Variants in SLC22A14 observed in about 807,000 individuals in gnomAD.
The protein encoded by SLC22A14 is solute carrier family 22 member 14, also known as organic cation transporter-like 4.
SLC22A14 carries 50 observed loss-of-function variants against 53.9 expected under a neutral mutation model. The ratio of observed to expected loss-of-function variants is 0.93; its 90% CI spans 0.74 to 1.17. The LOEUF (loss-of-function observed/expected upper bound fraction) is 1.17. Ranked by LOEUF, SLC22A14 falls within the 50% of genes most tolerant of loss-of-function variation. The probability of loss-of-function intolerance (pLI) is 0.00; values close to 1 mark genes in which losing one functional copy is unlikely to be tolerated. For synonymous variants in SLC22A14, 312 were observed against 303.0 expected (o/e 1.03, Z -0.31); for missense variants, 671 against 734.7 (o/e 0.91, Z 1.00).
In SLC22A14 at chr3:38,307,202, C is replaced by G; in HGVS notation, c.517-52C>G. The G allele has an allele frequency of 3.1e-6, 4 of 1,302,846 alleles. 1 individual carries two copies. The highest frequency in any genetic ancestry group is 4.6e-5 in the East Asian group (2 of 43,374). 80.7% of individuals were successfully genotyped at this position (1,302,846 alleles called of 1,614,324 possible). ...GTCCCACGCTGGGATGAGTCTCAGT[C>G]TCTGGACCCAAAGGTGGGCACCCGT... On this transcript the variant is annotated intron_variant, in intron 2 of 10. Coordinates refer to ENST00000448498, the MANE Select transcript of SLC22A14 (RefSeq NM_001320033.2). The surrounding 1 kb of genome is among the most constrained non-coding windows in gnomAD (Gnocchi z 4.4).
At chr3:38,314,608 C>A (rs956313712) in intron 8 of SLC22A14, among the ~76,000 whole-genome samples, 1 of 152,216 alleles carries the variant, frequency 6.6e-6, no homozygotes, top group Non-Finnish European at 1.5e-5. Context: ...TGACTGCCTG[C>A]GGAGCCCTTT....
intron 1 of SLC22A14, among the ~76,000 whole-genome samples, chr3:38,291,055 AT>A (rs1703903341): frequency 6.6e-6 from 1 of 152,196 alleles, no homozygotes; most frequent in South Asian, 2.1e-4. Context: ...CTAGGTAAGC[AT>A]ACTTAGAGTG....
At chr3:38,286,081 A>G (rs1237090648) in intron 1 of SLC22A14, among the ~76,000 whole-genome samples, 2 of 152,122 alleles carry the variant, frequency 1.3e-5, no homozygotes, top group Non-Finnish European at 2.9e-5. Flanking sequence ...AGTCTCTACT[A>G]AAAATACAAA....
At position 38,318,281 on chromosome 3, in the gene SLC22A14, C is replaced by T. The variant is rs1704675893; in HGVS notation, c.*32C>T. 1 of 1,596,770 alleles carries T rather than the reference C, an allele frequency of 6.3e-7. No homozygotes were observed. Among genetic ancestry groups the T allele is most frequent in the South Asian group, 1.1e-5 (1 of 90,742 alleles). The stretch of plus-strand genomic sequence containing the variant: ...GGCCAAGAATGTCATTCTCAATGCC[C>T]AGATCCTGAGATTGGACCCATACCC... On this transcript the variant is annotated 3_prime_UTR_variant, in exon 11 of 11. Coordinates refer to ENST00000448498, the MANE Select transcript of SLC22A14 (RefSeq NM_001320033.2).
chr3:38,301,719 G>A (rs1704163683), intron 1 of SLC22A14, among the ~76,000 whole-genome samples: 1 of 151,288 alleles, frequency 6.6e-6, no homozygotes, highest in South Asian at 2.1e-4. Flanking sequence ...GATTTTAAAA[G>A]GGATACTTTT....
chr3:38,305,939 C>T (rs758684777), intron 1 of SLC22A14, 88 bp from the exon 2 acceptor site: 7 of 1,350,772 alleles, frequency 5.2e-6, no homozygotes, highest in South Asian at 4.2e-5. Flanking sequence ...AGCCAGAGGC[C>T]AGTTCCTAGT....
At chr3:38,312,233 G>A (rs1453843176) in intron 5 of SLC22A14, among the ~76,000 whole-genome samples, 5 of 152,172 alleles carry the variant, frequency 3.3e-5, no homozygotes, top group Non-Finnish European at 7.3e-5. Context: ...CTCTGCCTCT[G>A]TGTCCTCGGG....
rs766970956 is a variant in SLC22A14 at position 38,316,344 on chromosome 3, T to G, written c.1553T>G (p.Val518Gly). 3.2e-5 allele frequency: 52 copies of G among 1,614,044 alleles called. No individual in the cohort carries two copies. Among genetic ancestry groups the G allele is most frequent in the Non-Finnish European group, 4.2e-5 (50 of 1,180,038 alleles). The stretch of plus-strand genomic sequence containing the variant: ...TTCAGGGCGACAGGTCTGGGGCTGG[T>G]GTCTCTGGCCTCGGTGGCTGGAGCC... ...TVLRATGLGLVSLASVAGAIL... is the reference protein window; with the variant it reads ...TVLRATGLGLGSLASVAGAIL... Residue 518 changes from valine to glycine, a missense_variant, in exon 10 of 11, where the codon GTG becomes GGG. Transcript: ENST00000448498.
intron 5 of SLC22A14, among the ~76,000 whole-genome samples, chr3:38,311,983 A>G (rs1362080129): frequency 6.6e-6 from 1 of 152,142 alleles, no homozygotes; most frequent in Non-Finnish European, 1.5e-5. Flanking sequence ...TCTTTAGGAG[A>G]GTTCCACAGC....
At chr3:38,296,728 T>A (rs149753) in intron 1 of SLC22A14, among the ~76,000 whole-genome samples, 1 of 152,138 alleles carries the variant, frequency 6.6e-6, no homozygotes, top group East Asian at 1.9e-4. Context: ...TATTAGAAGC[T>A]GTGGGTCACA....
chr3:38,308,126 ACAAC>A (rs1458910877), intron 4 of SLC22A14: 17 of 154,934 alleles, frequency 1.1e-4, no homozygotes, highest in South Asian at 1.9e-4. Flanking sequence ...AAAAGAAAAA[ACAAC>A]AAAAAACAGA....
intron 9 of SLC22A14, among the ~76,000 whole-genome samples, 172 bp from the exon 10 acceptor site, chr3:38,316,152 C>A (rs535807809): frequency 8.5e-5 from 13 of 152,348 alleles, no homozygotes; most frequent in African/African-American, 3.1e-4. Context: ...GCCTCTCCCC[C>A]TCCTCATCCC....
intron 1 of SLC22A14, among the ~76,000 whole-genome samples, chr3:38,297,856 C>T (rs1221464391): frequency 2.6e-5 from 4 of 152,138 alleles, no homozygotes; most frequent in African/African-American, 9.7e-5. Flanking sequence ...TATAGTGAGA[C>T]ACACTCTGAT....
upstream of SLC22A14, among the ~76,000 whole-genome samples, chr3:38,280,847 C>T (rs141531399): frequency 6.6e-6 from 1 of 152,226 alleles, no homozygotes; most frequent in African/African-American, 2.4e-5. Context: ...CCAGGCTGGT[C>T]TTGAACTCCT....
intron 10 of SLC22A14, among the ~76,000 whole-genome samples, chr3:38,317,733 G>A (rs983309003): frequency 6.6e-6 from 1 of 152,164 alleles, no homozygotes; most frequent in African/African-American, 2.4e-5. Context: ...TTTGTTATGT[G>A]TTAGACCCTG....
rs1489681392 is a variant in SLC22A14 at position 38,316,466 on chromosome 3, C to T, written c.1675C>T (p.Leu559=). The T allele has an allele frequency of 3.7e-6, 6 of 1,613,986 alleles. No homozygotes were observed. In the African/African-American group the frequency reaches 8.0e-5, roughly 22 times the overall value. ...AIVAFSLSSL[L]PETRDQPLSE... ...CGTGGCCTTTTCCCTCTCCTCCCTGCTGCCGGAAACGCGAGATCAGCCCCT... is the reference window on the plus strand; with the variant it reads ...CGTGGCCTTTTCCCTCTCCTCCCTGTTGCCGGAAACGCGAGATCAGCCCCT... Residue 559 remains leucine (L), a synonymous_variant, in exon 10 of 11, where the codon CTG becomes TTG. Transcript: ENST00000448498.
chr3:38,316,404 C>T lies in SLC22A14; in HGVS notation c.1613C>T (p.Ser538Phe), dbSNP rs1161032180. The T allele has an allele frequency of 6.2e-7, 1 of 1,614,178 alleles. No homozygotes were observed. The highest frequency in any genetic ancestry group is 1.1e-5 in the South Asian group (1 of 91,080). Residue 538 changes from serine (S) to phenylalanine (F), a missense_variant, in exon 10 of 11, where the codon TCC becomes TTC. Coordinates refer to ENST00000448498, the MANE Select transcript of SLC22A14 (RefSeq NM_001320033.2). ...CTGACAATCATCAGCCAGACCCCCT[C>T]CCTCCTGCCCATCTTTCTCTGCTGC... ...LSLTIISQTP[S>F]LLPIFLCCVL... is the part of the protein sequence containing the mutation.
At chr3:38,295,803 T>G (rs566954439) in intron 1 of SLC22A14, among the ~76,000 whole-genome samples, 3 of 141,096 alleles carry the variant, frequency 2.1e-5, no homozygotes, top group Non-Finnish European at 4.5e-5. Flanking sequence ...TCTCTGTCTG[T>G]CTCTCTCTCT....
rs577844251 is a variant in SLC22A14 at position 38,293,036 on chromosome 3, A to G, written c.-1+10697A>G. Among the ~76,000 whole-genome samples the G allele has an allele frequency of 2.0e-5, 3 of 152,214 alleles. No individual in the cohort carries two copies. In the South Asian group the frequency reaches 6.2e-4, roughly 32 times the overall value. ...GAGACAGTTAACCTCCTGGCCCTCAATGGTCAAGCATACCCAGGGCTCTGT... is the reference window on the plus strand; with the variant it reads ...GAGACAGTTAACCTCCTGGCCCTCAGTGGTCAAGCATACCCAGGGCTCTGT... On this transcript the variant is annotated intron_variant, in intron 1 of 10. Transcript: ENST00000448498.
Sources: allele counts gnomAD v4.1 joint callset (sites outside exome capture counted in the v4.1 genomes callset), GRCh38; gene constraint gnomAD v4.1.1; non-coding constraint Gnocchi (gnomAD v3.1); transcripts MANE v1.5; gene names NCBI Gene and HGNC (gene_info 2026-07-23, HGNC 2026-07-21).